SMOC2: variants seen among roughly 807,000 people sequenced by gnomAD.
SMOC2 encodes the protein SPARC-related modular calcium-binding protein 2.
Under a neutral mutation model 61.4 loss-of-function variants are expected in SMOC2, and 39 were observed. That is an observed-to-expected ratio of 0.64 (90% CI 0.49 to 0.83). The LOEUF (loss-of-function observed/expected upper bound fraction) is 0.83, where lower values mean the gene tolerates loss of function less well. Ranked by LOEUF, SMOC2 falls within the 40% of genes least tolerant of loss-of-function variation. SMOC2 has a pLI of 0.00. For missense variants in SMOC2, 556 were observed against 592.9 expected, an observed-to-expected ratio of 0.94 and a Z score of 0.65; for synonymous variants, 247 against 239.9, an observed-to-expected ratio of 1.03 and a Z score of -0.27.
chr6:168,566,647 A>G (rs1031494310), intron 7 of SMOC2, among the ~76,000 whole-genome samples: 5 of 151,896 alleles, frequency 3.3e-5, no homozygotes, highest in Non-Finnish European at 5.9e-5. Flanking sequence ...ACACCCGGCC[A>G]ATTTTTTGTA....
chr6:168,471,655 A>G (rs1026169039), intron 1 of SMOC2, among the ~76,000 whole-genome samples: 2 of 152,196 alleles, frequency 1.3e-5, no homozygotes, highest in Non-Finnish European at 2.9e-5. Context: ...ATATCATTTT[A>G]TATTCCCACC....
intron 9 of SMOC2, among the ~76,000 whole-genome samples, chr6:168,609,449 G>A (rs767732860): frequency 5.3e-5 from 8 of 152,078 alleles, no homozygotes; most frequent in Non-Finnish European, 1.2e-4. Context: ...GGTGAGGGTG[G>A]GGGAAGAGAT....
rs538546045 is a variant in SMOC2, at chr6:168,473,896, C to T, written c.84+32442C>T. 2.0e-5 allele frequency among the ~76,000 whole-genome samples: 3 copies of T among 152,162 alleles called. No individual in the cohort carries two copies. In the East Asian group the frequency reaches 5.8e-4, roughly 29 times the overall value. On this transcript the variant is annotated intron_variant, in intron 1 of 12. Coordinates refer to ENST00000356284, the MANE Select transcript of SMOC2 (RefSeq NM_001166412.2). ...CTGTTGGGACAGCACGGCATGTGTG[C>T]TGCAAATTAATGGGATCTGGAGCCT...
intron 8 of SMOC2, among the ~76,000 whole-genome samples, chr6:168,599,427 A>G (rs1204608123): frequency 1.2e-5 from 1 of 84,026 alleles, no homozygotes; most frequent in African/African-American, 4.8e-5. Flanking sequence ...TACCCCCCAC[A>G]CCCACACTCA....
chr6:168,483,492 C>T (rs992453640), intron 1 of SMOC2, among the ~76,000 whole-genome samples: 3 of 152,066 alleles, frequency 2.0e-5, no homozygotes, highest in Non-Finnish European at 4.4e-5. Flanking sequence ...ATTAGTACTG[C>T]TAAGTATTAG....
chr6:168,613,248 A>C (rs538828400), intron 9 of SMOC2, among the ~76,000 whole-genome samples: 1 of 152,154 alleles, frequency 6.6e-6, no homozygotes, highest in Non-Finnish European at 1.5e-5. Flanking sequence ...GTGCAGGGGA[A>C]GTCTGACGTA....
chr6:168,537,573 G>T (rs1783762105), intron 4 of SMOC2, among the ~76,000 whole-genome samples: 1 of 152,260 alleles, frequency 6.6e-6, no homozygotes, highest in African/African-American at 2.4e-5. Context: ...ACAGTGCTCT[G>T]CAGGATGTAA....
intron 9 of SMOC2, among the ~76,000 whole-genome samples, chr6:168,610,175 G>T (rs1157351504): frequency 2.6e-5 from 4 of 152,308 alleles, no homozygotes; most frequent in Admixed American, 2.0e-4. Context: ...GGATGGGCAC[G>T]TCAGAAACCA....
intron 9 of SMOC2, among the ~76,000 whole-genome samples, chr6:168,610,394 A>T (rs972801695): frequency 1.3e-5 from 2 of 152,204 alleles, no homozygotes; most frequent in Non-Finnish European, 2.9e-5. Flanking sequence ...TTATTTGGAG[A>T]TAATTATCCT....
At chr6:168,469,161 G>A (rs1432914595) in intron 1 of SMOC2, among the ~76,000 whole-genome samples, 1 of 152,176 alleles carries the variant, frequency 6.6e-6, no homozygotes, top group African/African-American at 2.4e-5. Context: ...AAGAGTCCTT[G>A]CCCTGATGAA....
intron 2 of SMOC2, among the ~76,000 whole-genome samples, chr6:168,524,820 C>T (rs916729889): frequency 8.5e-5 from 13 of 152,344 alleles, no homozygotes; most frequent in Admixed American, 5.9e-4. Flanking sequence ...TGTGTAGGCC[C>T]GTAATGCTCT....
chr6:168,521,992 C>G (rs553259809), intron 2 of SMOC2, among the ~76,000 whole-genome samples: 2 of 152,180 alleles, frequency 1.3e-5, no homozygotes, highest in Non-Finnish European at 2.9e-5. Context: ...ACAAAATTCA[C>G]ATAAGAAAGT....
intron 8 of SMOC2, 73 bp from the exon 9 acceptor site, chr6:168,608,084 T>C: frequency 7.1e-7 from 1 of 1,418,256 alleles, no homozygotes; most frequent in East Asian, 2.4e-5. Context: ...ACTCCAGAAA[T>C]GGAAGACAAA....
At chr6:168,518,408 T>C (rs1783203581) in intron 2 of SMOC2, among the ~76,000 whole-genome samples, 1 of 149,814 alleles carries the variant, frequency 6.7e-6, no homozygotes, top group South Asian at 2.1e-4. Flanking sequence ...TATGCTTGTG[T>C]GTGAATGTGT....
At chr6:168,607,886 G>A (rs1342972688) in intron 8 of SMOC2, among the ~76,000 whole-genome samples, 2 of 63,506 alleles carry the variant, frequency 3.1e-5, no homozygotes, top group Non-Finnish European at 6.7e-5. Flanking sequence ...TGCTAGATGA[G>A]ATTCATTTCA....
intron 1 of SMOC2, among the ~76,000 whole-genome samples, chr6:168,465,506 G>A (rs1359278746): frequency 6.6e-6 from 1 of 151,012 alleles, no homozygotes; most frequent in Non-Finnish European, 1.5e-5. Context: ...TTTAGAAATT[G>A]CTATGTGAGA....
intron 9 of SMOC2, among the ~76,000 whole-genome samples, chr6:168,632,645 A>C (rs1786599897): frequency 6.6e-6 from 1 of 152,136 alleles, no homozygotes; most frequent in Non-Finnish European, 1.5e-5. Flanking sequence ...TGATTTTTTG[A>C]AATTTTGCTA....
chr6:168,458,484 C>G (rs1299717500), intron 1 of SMOC2, among the ~76,000 whole-genome samples: 1 of 152,222 alleles, frequency 6.6e-6, no homozygotes, highest in African/African-American at 2.4e-5. Flanking sequence ...TTCTGAGTCT[C>G]AGTCTTTCAT....
intron 7 of SMOC2, among the ~76,000 whole-genome samples, chr6:168,590,590 C>CT (rs146142545): frequency 0.21 from 32,147 of 151,904 alleles, 3,789 homozygotes; most frequent in South Asian, 0.28. Flanking sequence ...AGCGTGTGAG[C>CT]TTGCCAAAAA....
Sources: allele counts gnomAD v4.1 joint callset (sites outside exome capture counted in the v4.1 genomes callset), GRCh38; gene constraint gnomAD v4.1.1; transcripts MANE v1.5; gene names NCBI Gene and HGNC (gene_info 2026-07-23, HGNC 2026-07-21).